IFT88: variants seen among roughly 807,000 people sequenced by gnomAD.
IFT88 encodes the protein intraflagellar transport protein 88 homolog.
In IFT88, 74 loss-of-function variants were observed where a neutral mutation model predicts 119.5. That is an observed-to-expected ratio of 0.62 (90% CI 0.51 to 0.75). The LOEUF is 0.75. Among genes scored for constraint, IFT88 ranks in the 30% least tolerant of loss-of-function variants. IFT88 has a pLI of 0.00. For missense variants in IFT88, 961 were observed against 977.7 expected (o/e 0.98, Z 0.23); for synonymous variants, 279 against 316.7 (o/e 0.88, Z 1.26).
At chr13:20,611,899 C>T (rs2044616957) in intron 13 of IFT88, among the ~76,000 whole-genome samples, 1 of 152,218 alleles carries the variant, frequency 6.6e-6, no homozygotes, top group African/African-American at 2.4e-5. Flanking sequence ...AGCCACCGCA[C>T]CCGGCCCACT....
In IFT88 at chr13:20,633,532, A is replaced by G. The variant is rs557506350; in HGVS notation, c.1386+2430A>G. 3.0e-4 allele frequency among the ~76,000 whole-genome samples: 45 copies of G among 152,334 alleles called. No homozygotes were observed. In the South Asian group the frequency reaches 8.5e-3, roughly 29 times the overall value. On this transcript the variant is annotated intron_variant, in intron 16 of 25. Coordinates refer to ENST00000351808, the MANE Select transcript of IFT88 (RefSeq NM_006531.5). ...GTCCATGGCGTGAAGCATGGTGTCT[A>G]TCATGGCCATTAAATTTTGAATTTA...
At chr13:20,680,975 T>A (rs1409100848) in intron 24 of IFT88, among the ~76,000 whole-genome samples, 1 of 152,198 alleles carries the variant, frequency 6.6e-6, no homozygotes, top group Non-Finnish European at 1.5e-5. Flanking sequence ...GCTCAAAAAA[T>A]TTAAAGTCAG....
intron 1 of IFT88, among the ~76,000 whole-genome samples, chr13:20,571,955 C>G (rs1438045831): frequency 6.6e-6 from 1 of 152,162 alleles, no homozygotes; most frequent in Non-Finnish European, 1.5e-5. Context: ...AGCTTCTTGA[C>G]TCTGTTTTAG....
At chr13:20,622,321 A>T (rs2139857293) in intron 14 of IFT88, among the ~76,000 whole-genome samples, 1 of 152,316 alleles carries the variant, frequency 6.6e-6, no homozygotes, top group Non-Finnish European at 1.5e-5. Context: ...GTGAACATAC[A>T]GTTTCCCCTC....
At chr13:20,641,935 A>G (rs1231502319) in intron 18 of IFT88, 1 of 152,528 alleles carries the variant, frequency 6.6e-6, no homozygotes, top group Non-Finnish European at 1.5e-5. Context: ...TATTGAATGT[A>G]TACTATGTGT....
intron 13 of IFT88, among the ~76,000 whole-genome samples, chr13:20,609,668 C>G (rs767456558): frequency 3.3e-5 from 5 of 151,964 alleles, no homozygotes; most frequent in Non-Finnish European, 5.9e-5. Flanking sequence ...CACTTGAACC[C>G]AGGAGGTGGA....
chr13:20,627,641 G>T (rs1042100108), intron 15 of IFT88, among the ~76,000 whole-genome samples: 9 of 147,290 alleles, frequency 6.1e-5, no homozygotes, highest in African/African-American at 1.2e-4. Flanking sequence ...TGAGACAGGA[G>T]AATTGCTTGA....
At chr13:20,622,815 C>T (rs2046749903) in intron 14 of IFT88, among the ~76,000 whole-genome samples, 1 of 152,092 alleles carries the variant, frequency 6.6e-6, no homozygotes, top group South Asian at 2.1e-4. Context: ...GAGGCAAAAA[C>T]TTCTTAAATT....
chr13:20,598,788 A>T, intron 10 of IFT88, 35 bp downstream of exon 10: 1 of 1,224,398 alleles, frequency 8.2e-7, no homozygotes, highest in Non-Finnish European at 1.2e-6. Context: ...CAATAGATGT[A>T]ATTCTTTCGT....
At position 20,668,006 on chromosome 13, in the gene IFT88, A is replaced by G. The variant is rs9578306; in HGVS notation, c.2176-2967A>G. On this transcript the variant is annotated intron_variant, in intron 23 of 25. Coordinates refer to ENST00000351808, the MANE Select transcript of IFT88 (RefSeq NM_006531.5). ...TTACATAGCAGTCAATATGATGGACACTCTTAACTTTCCGTCTGCCTGACT... is the reference window on the plus strand; with the variant it reads ...TTACATAGCAGTCAATATGATGGACGCTCTTAACTTTCCGTCTGCCTGACT... Among the ~76,000 whole-genome samples the G allele has an allele frequency of 4.3e-3, 590 of 138,340 alleles. 4 individuals are homozygous for G. Among genetic ancestry groups the G allele is most frequent in the African/African-American group, 0.015 (484 of 31,934 alleles). The allele number at this position is 138,340 out of a possible 152,430, so 90.8% of individuals were successfully genotyped here. A position where few individuals can be genotyped will look rare whatever the true frequency, so the allele number is the denominator to read the frequency against.
chr13:20,658,256 C>T (rs1426242604), intron 22 of IFT88, among the ~76,000 whole-genome samples: 1 of 152,038 alleles, frequency 6.6e-6, no homozygotes. Flanking sequence ...GCCACCATGC[C>T]CAACTAATTT....
chr13:20,592,337 T>G lies in IFT88; in HGVS notation c.331T>G (p.Ser111Ala), dbSNP rs957794500. The change falls in exon 7 of 26, where the codon TCT becomes GCT. Residue 111 changes from serine to alanine, a missense_variant and splice_region_variant. By Grantham distance (99) the Ser-to-Ala change is moderately conservative (BLOSUM62 1). Transcript: ENST00000351808. ...TTAACTCTTGAATTGTGTCTCAGGC[T>G]CTGCATTTGACCCCCTTAGTCAGTC... ...AGFTKAALRG[S>A]AFDPLSQSRG... The G allele has an allele frequency of 6.2e-7, 1 of 1,607,826 alleles. No individual in the cohort carries two copies. Among genetic ancestry groups the G allele is most frequent in the Admixed American group, 1.7e-5 (1 of 58,352 alleles).
chr13:20,654,357 A>G (rs1467296954), intron 21 of IFT88, among the ~76,000 whole-genome samples: 1 of 152,214 alleles, frequency 6.6e-6, no homozygotes, highest in Non-Finnish European at 1.5e-5. Context: ...TTTTTATACC[A>G]AAGATCACTG....
intron 16 of IFT88, among the ~76,000 whole-genome samples, chr13:20,633,413 G>A (rs111486232): frequency 7.1e-4 from 108 of 152,284 alleles, no homozygotes; most frequent in Non-Finnish European, 1.3e-3. Flanking sequence ...TCTAGGAAGG[G>A]GGACAAGGTG....
intron 5 of IFT88, 103 bp from the exon 6 acceptor site, chr13:20,591,515 G>A: frequency 1.3e-6 from 1 of 747,576 alleles, no homozygotes; most frequent in Non-Finnish European, 2.2e-6. Flanking sequence ...TTGAAAATCA[G>A]CATTTTTTTA....
At chr13:20,630,780 A>G (rs954997968) in intron 15 of IFT88, among the ~76,000 whole-genome samples, 3 of 152,192 alleles carry the variant, frequency 2.0e-5, no homozygotes, top group Non-Finnish European at 1.5e-5. Context: ...CTGTTAGAAC[A>G]TCTATGTTTT....
intron 20 of IFT88, among the ~76,000 whole-genome samples, chr13:20,645,723 C>A (rs974700265): frequency 1.3e-5 from 2 of 152,058 alleles, no homozygotes; most frequent in African/African-American, 2.4e-5. Context: ...CAAAACAATT[C>A]AAAAATAATT....
At chr13:20,643,676 C>G (rs1346232920) in intron 19 of IFT88, 71 bp downstream of exon 19, 6 of 1,070,448 alleles carry the variant, frequency 5.6e-6, no homozygotes, top group Non-Finnish European at 8.1e-6. Flanking sequence ...GGCAGCAAGG[C>G]TTTAAAATTT....
At chr13:20,670,888 G>T in intron 23 of IFT88, 85 bp from the exon 24 acceptor site, 1 of 1,123,086 alleles carries the variant, frequency 8.9e-7, no homozygotes. Flanking sequence ...ATGTAGTAAT[G>T]TTAATTTTAA....
Sources: allele counts gnomAD v4.1 joint callset (sites outside exome capture counted in the v4.1 genomes callset), GRCh38; gene constraint gnomAD v4.1.1; transcripts MANE v1.5; gene names NCBI Gene and HGNC (gene_info 2026-07-23, HGNC 2026-07-21).